The following PCDHGB3 variants were observed in gnomAD, a reference collection of about 807,000 sequenced individuals.
PCDHGB3 encodes protocadherin gamma-B3.
In PCDHGB3, 40 loss-of-function variants were observed where a neutral mutation model predicts 59.2. The observed-to-expected ratio is 0.68, with a 90% CI of 0.52 to 0.88. The LOEUF is 0.88. PCDHGB3 is among the 40% of genes least tolerant of loss of function. The pLI, the probability that PCDHGB3 is intolerant of heterozygous loss-of-function variation, is 0.00. For missense variants in PCDHGB3, 1,309 were observed against 1,187.9 expected (o/e 1.10, Z -1.50); for synonymous variants, 581 against 503.6 (o/e 1.15, Z -2.06).
rs756993242 is a variant in PCDHGB3 at position 141,432,265 on chromosome 5, G to T, written c.2415+59456G>T. 2.5e-6 allele frequency: 4 copies of T among 1,614,210 alleles called. No homozygotes were observed. The South Asian group carries it at 3.3e-5, about 13-fold the overall frequency. ...ACACCATCCAAGGGGCAAGCCTATC[G>T]TCCTACGTGTCCATCAACTCCGACA... On this transcript the variant is annotated intron_variant, in intron 1 of 3. Coordinates refer to ENST00000576222, the MANE Select transcript of PCDHGB3 (RefSeq NM_018924.5). This position sits in a 1 kb window ranked among gnomAD's most constrained non-coding sequence, Gnocchi z 6.0.
intron 1 of PCDHGB3, chr5:141,395,065 A>G: frequency 6.2e-7 from 1 of 1,614,132 alleles, no homozygotes; most frequent in South Asian, 1.1e-5. Context: ...GCTTTCCTGC[A>G]GACCTATTCC....
rs1360124362 is a variant in PCDHGB3 at position 141,489,688 on chromosome 5, G to A, written c.2416-5119G>A. On this transcript the variant is annotated intron_variant, in intron 1 of 3. Coordinates refer to ENST00000576222, the MANE Select transcript of PCDHGB3 (RefSeq NM_018924.5). This position sits in a 1 kb window ranked among gnomAD's most constrained non-coding sequence, Gnocchi z 4.5. The stretch of plus-strand genomic sequence containing the variant: ...CATCTCAGAATCAGCAGCATCTGGG[G>A]CACGATTCCCACTGGACAGTGCCCA... 6.2e-7 allele frequency: 1 copy of A among 1,614,150 alleles called. No homozygotes were observed. Among genetic ancestry groups the A allele is most frequent in the Non-Finnish European group, 8.5e-7 (1 of 1,180,012 alleles).
Position 141,384,308 on chromosome 5 carries a change from C to G in PCDHGB3, c.2415+11499C>G, listed in dbSNP as rs974367218. On this transcript the variant is annotated intron_variant, in intron 1 of 3. Transcript: ENST00000576222. ...GCTGAGAACAACCCCAGAGGGGCCT[C>G]CATTTTCTTAGTGACTGCACAGGAC... The G allele has an allele frequency of 1.5e-5, 25 of 1,613,736 alleles. No homozygotes were observed. The highest frequency in any genetic ancestry group is 2.1e-5 in the Non-Finnish European group (25 of 1,179,896).
intron 1 of PCDHGB3, among the ~76,000 whole-genome samples, chr5:141,461,054 T>C (rs984461416): frequency 6.6e-6 from 1 of 151,758 alleles, no homozygotes; most frequent in African/African-American, 2.4e-5. Context: ...GGGACTTAGG[T>C]TGGTTTCACA....
intron 1 of PCDHGB3, among the ~76,000 whole-genome samples, chr5:141,481,728 C>T (rs529419213): frequency 2.1e-4 from 32 of 152,032 alleles, no homozygotes; most frequent in African/African-American, 7.2e-4. Flanking sequence ...CGGAGGCGGG[C>T]GGATCACGAG....
At position 141,384,373 on chromosome 5, in the gene PCDHGB3, G is replaced by A. The variant is rs916805364; in HGVS notation, c.2415+11564G>A. 27 of 1,613,764 alleles carry A rather than the reference G, an allele frequency of 1.7e-5. No homozygotes were observed. The highest frequency in any genetic ancestry group is 2.1e-5 in the Non-Finnish European group (25 of 1,179,894). ...TAATGCCCAGATCACTTATTCCTTGGCCGAAGACACCATCCAGGGGGCTCC... is the reference window on the plus strand; with the variant it reads ...TAATGCCCAGATCACTTATTCCTTGACCGAAGACACCATCCAGGGGGCTCC... On this transcript the variant is annotated intron_variant, in intron 1 of 3. Coordinates refer to ENST00000576222, the MANE Select transcript of PCDHGB3 (RefSeq NM_018924.5).
Position 141,499,029 on chromosome 5 carries a change from A to AAGGAAGG in PCDHGB3, c.2474+4165_2474+4166insGGAAGGA, listed in dbSNP as rs1562187768. Among the ~76,000 whole-genome samples, 348 of 140,068 alleles carry AAGGAAGG rather than the reference A, an allele frequency of 2.5e-3. 2 individuals carry two copies. The highest frequency in any genetic ancestry group is 9.3e-3 in the African/African-American group (335 of 36,066). The allele number at this position is 140,068 out of a possible 152,430, so 91.9% of individuals were successfully genotyped here. ...GGAAGGAAGGAAGGAAGGAAGGAAG[A>AAGGAAGG]AAAGAAAGAAAAAGGGAGAAAAAAT... is the stretch of plus-strand genomic sequence containing the variant. On this transcript the variant is annotated intron_variant, in intron 2 of 3. Transcript: ENST00000576222.
At position 141,511,241 on chromosome 5, in the gene PCDHGB3, C is replaced by G; in HGVS notation, c.*68C>G. ...CCAGCCCAGCTTCTCCTTACCTGCA[C>G]CCAGGCCTCAGAGTTTCAGGGCTAA... On this transcript the variant is annotated 3_prime_UTR_variant, in exon 4 of 4. Transcript: ENST00000576222. 1 of 1,585,214 alleles carries G rather than the reference C, an allele frequency of 6.3e-7. No individual in the cohort carries two copies. The highest frequency in any genetic ancestry group is 1.1e-5 in the South Asian group (1 of 87,760).
At chr5:141,389,755 T>C in intron 1 of PCDHGB3, 1 of 1,612,872 alleles carries the variant, frequency 6.2e-7, no homozygotes, top group African/African-American at 1.3e-5. Context: ...ACGGGCGAAG[T>C]GCGCACAGCG....
At chr5:141,379,467 G>A (rs1337785290) in intron 1 of PCDHGB3, 1 of 152,222 alleles carries the variant, frequency 6.6e-6, no homozygotes, top group Non-Finnish European at 1.5e-5. Context: ...CTCTGAAAGT[G>A]TGAATGTTAT....
rs747671382 is a variant in PCDHGB3 at position 141,444,152 on chromosome 5, A to ATTTTTTTTTT, written c.2416-50628_2416-50619dup. 1.8e-4 allele frequency among the ~76,000 whole-genome samples: 6 copies of ATTTTTTTTTT among 33,898 alleles called. 2 individuals are homozygous for ATTTTTTTTTT. Among genetic ancestry groups the ATTTTTTTTTT allele is most frequent in the Non-Finnish European group, 3.1e-4 (6 of 19,312 alleles). The allele number at this position is 33,898 out of a possible 152,430, so 22.2% of individuals were successfully genotyped here. A position where few individuals can be genotyped will look rare whatever the true frequency, so the allele number is the denominator to read the frequency against. On this transcript the variant is annotated intron_variant, in intron 1 of 3. Coordinates refer to ENST00000576222, the MANE Select transcript of PCDHGB3 (RefSeq NM_018924.5). ...GATATGTGTCACTTGTGTGTACTGG[A>ATTTTTTTTTT]TTTTTTTTTTTTTTTTTTTTTTTTT...
intron 1 of PCDHGB3, chr5:141,410,459 A>C (rs2095396770): frequency 6.2e-7 from 1 of 1,613,864 alleles, no homozygotes; most frequent in Admixed American, 1.7e-5. Context: ...TTATTCTTAT[A>C]ATCTGTGCAT....
intron 1 of PCDHGB3, chr5:141,414,643 C>G (rs765652709): frequency 1.2e-6 from 2 of 1,613,942 alleles, no homozygotes; most frequent in Non-Finnish European, 8.5e-7. Flanking sequence ...AGAGAATGCC[C>G]AGATTATTTA....
chr5:141,441,041 C>T (rs2098220628), intron 1 of PCDHGB3: 1 of 152,152 alleles, frequency 6.6e-6, no homozygotes, highest in African/African-American at 2.4e-5. Context: ...ACTTTAAGTA[C>T]ATTGGACTTT....
intron 2 of PCDHGB3, among the ~76,000 whole-genome samples, chr5:141,504,960 T>C (rs9324851): frequency 0.59 from 89,328 of 151,916 alleles, 27,885 homozygotes; most frequent in African/African-American, 0.8. Context: ...TTCAATGCAT[T>C]GGACCAGCCT....
rs2099883850 is a variant in PCDHGB3, at chr5:141,511,565, A to T, written c.*392A>T. The T allele has an allele frequency of 3.4e-6, 1 of 295,974 alleles. No homozygotes were observed. Among genetic ancestry groups the T allele is most frequent in the African/African-American group, 2.2e-5 (1 of 46,502 alleles). The allele number at this position is 295,974 out of a possible 1,614,324, so 18.3% of individuals were successfully genotyped here. The stretch of plus-strand genomic sequence containing the variant: ...CCACTCCAACAGTTCCTCTTTCCCG[A>T]GTAAGGTGGTTGGGGTGTTGAAGTA... On this transcript the variant is annotated 3_prime_UTR_variant, in exon 4 of 4. Coordinates refer to ENST00000576222, the MANE Select transcript of PCDHGB3 (RefSeq NM_018924.5).
At chr5:141,474,965 A>G (rs1268347441) in intron 1 of PCDHGB3, among the ~76,000 whole-genome samples, 1 of 152,236 alleles carries the variant, frequency 6.6e-6, no homozygotes, top group Non-Finnish European at 1.5e-5. Context: ...TATCCTAATC[A>G]TTATAATTTT....
chr5:141,396,725 T>A (rs1432052825), intron 1 of PCDHGB3: 2 of 152,198 alleles, frequency 1.3e-5, no homozygotes, highest in East Asian at 3.8e-4. Flanking sequence ...AATACCTGAA[T>A]TGATTGTTGT....
At chr5:141,418,435 A>G (rs1237542659) in intron 1 of PCDHGB3, 1 of 1,614,038 alleles carries the variant, frequency 6.2e-7, no homozygotes, top group South Asian at 1.1e-5. Context: ...GCAAATATCC[A>G]GAATTAGTAT....
Sources: gnomAD v4.1 joint callset for allele counts (sites outside exome capture counted in the v4.1 genomes callset) on GRCh38, gnomAD v4.1.1 for gene constraint, Gnocchi (gnomAD v3.1) non-coding constraint, MANE v1.5 for transcripts, NCBI Gene and HGNC (gene_info 2026-07-23, HGNC 2026-07-21) for gene names.